ZBTB24: variants seen among roughly 807,000 people sequenced by gnomAD.
ZBTB24 encodes zinc finger and BTB domain containing 24.
Under a neutral mutation model 53.8 loss-of-function variants are expected in ZBTB24, and 32 were observed. That is an observed-to-expected ratio of 0.60 (90% CI 0.45 to 0.80). The LOEUF (loss-of-function observed/expected upper bound fraction) is 0.80. Among genes scored for constraint, ZBTB24 ranks in the 30% least tolerant of loss-of-function variants. The probability of loss-of-function intolerance (pLI) is 0.00; values close to 1 mark genes in which losing one functional copy is unlikely to be tolerated. For synonymous variants in ZBTB24, 297 were observed against 306.7 expected (o/e 0.97, Z 0.33); for missense variants, 722 against 837.1 (o/e 0.86, Z 1.70).
At chr6:109,471,139 A>T (rs549420463) in intron 5 of ZBTB24, among the ~76,000 whole-genome samples, 2 of 152,386 alleles carry the variant, frequency 1.3e-5, no homozygotes, top group African/African-American at 4.8e-5. Context: ...ATAAATAAAG[A>T]TGTGCATTTC....
chr6:109,470,900 A>G (rs9791241), intron 5 of ZBTB24, among the ~76,000 whole-genome samples: 78,721 of 152,070 alleles, frequency 0.52, 21,443 homozygotes, highest in African/African-American at 0.7. Flanking sequence ...AAGCCACACC[A>G]CCATTTTAAA....
chr6:109,480,622 G>A (rs939521176), intron 2 of ZBTB24, among the ~76,000 whole-genome samples: 1 of 152,236 alleles, frequency 6.6e-6, no homozygotes, highest in African/African-American at 2.4e-5. Context: ...TTGGGCAAAA[G>A]CATGGTTATG....
chr6:109,472,829 C>G (rs1472521279), intron 5 of ZBTB24, among the ~76,000 whole-genome samples: 1 of 152,214 alleles, frequency 6.6e-6, no homozygotes, highest in African/African-American at 2.4e-5. Flanking sequence ...TTTGCCTCCT[C>G]TTTCAACTCC....
Position 109,465,438 on chromosome 6 carries a change from A to C in ZBTB24, c.*413T>G, listed in dbSNP as rs1051537302. On this transcript the variant is annotated 3_prime_UTR_variant, in exon 7 of 7. Coordinates refer to ENST00000230122, the MANE Select transcript of ZBTB24 (RefSeq NM_014797.3). ...CTAAGAAAAATAAGAAAATAGAACA[A>C]ACCATTCTGCCCAGTTCAACCAAAA... The C allele has an allele frequency of 1.2e-5, 7 of 570,298 alleles. No individual in the cohort carries two copies. The highest frequency in any genetic ancestry group is 3.3e-5 in the Admixed American group (1 of 29,860). 35.3% of individuals were successfully genotyped at this position (570,298 alleles called of 1,614,324 possible).
In ZBTB24 at chr6:109,468,906, G is replaced by A. The variant is rs572665556; in HGVS notation, c.1289-1172C>T. Among the ~76,000 whole-genome samples, 3 of 148,240 alleles carry A rather than the reference G, an allele frequency of 2.0e-5. No individual in the cohort carries two copies. The South Asian group carries it at 6.5e-4, about 32-fold the overall frequency. The stretch of plus-strand genomic sequence containing the variant: ...AAACAAAATTAAGTAATCCAATGCA[G>A]GCAAGAAAACTAAATTGGAAAAAAA... On this transcript the variant is annotated intron_variant, in intron 5 of 6. Transcript: ENST00000230122.
chr6:109,474,754 TCTTG>T (rs1350684779), intron 5 of ZBTB24, among the ~76,000 whole-genome samples: 1 of 149,998 alleles, frequency 6.7e-6, no homozygotes, highest in Non-Finnish European at 1.5e-5. Flanking sequence ...AAAAAATTTA[TCTTG>T]CTGGGTATGG....
intron 2 of ZBTB24, among the ~76,000 whole-genome samples, chr6:109,479,577 G>C (rs1776353956): frequency 6.6e-6 from 1 of 152,210 alleles, no homozygotes; most frequent in Non-Finnish European, 1.5e-5. Flanking sequence ...TTTTTCTTAA[G>C]TCTTGTATAA....
rs894114608 is a variant in ZBTB24, at chr6:109,465,763, T to C, written c.*88A>G. On this transcript the variant is annotated 3_prime_UTR_variant, in exon 7 of 7. Coordinates refer to ENST00000230122, the MANE Select transcript of ZBTB24 (RefSeq NM_014797.3). The stretch of plus-strand genomic sequence containing the variant: ...CACAGAAGCATCTGCAAGTCAATGG[T>C]GTGGAGAGCCTGATTTCAAGCGTTC... 4.3e-6 allele frequency: 7 copies of C among 1,613,052 alleles called. No homozygotes were observed. In the Admixed American group the frequency reaches 1.0e-4, roughly 23 times the overall value.
chr6:109,468,401 A>C (rs1340397394), intron 5 of ZBTB24, among the ~76,000 whole-genome samples: 1 of 152,000 alleles, frequency 6.6e-6, no homozygotes, highest in Non-Finnish European at 1.5e-5. Flanking sequence ...AAGCGATCAT[A>C]GATCTGTACC....
At chr6:109,475,928 G>A (rs1776268816) in intron 4 of ZBTB24, among the ~76,000 whole-genome samples, 1 of 152,214 alleles carries the variant, frequency 6.6e-6, no homozygotes, top group Non-Finnish European at 1.5e-5. Context: ...TGGCACTTTT[G>A]AAAGATGCCA....
chr6:109,477,523 A>T (rs778563297), intron 2 of ZBTB24, among the ~76,000 whole-genome samples: 1 of 152,176 alleles, frequency 6.6e-6, no homozygotes, highest in Non-Finnish European at 1.5e-5. Flanking sequence ...CTCTGGAAAC[A>T]GGGGTGAGGG....
At chr6:109,475,720 A>G (rs556893732) in intron 4 of ZBTB24, among the ~76,000 whole-genome samples, 2 of 152,230 alleles carry the variant, frequency 1.3e-5, no homozygotes, top group South Asian at 4.1e-4. Context: ...TTTTTTCCTC[A>G]AAGTATTGGT....
At chr6:109,468,932 G>GAAA (rs61250996) in intron 5 of ZBTB24, among the ~76,000 whole-genome samples, 2 of 120,022 alleles carry the variant, frequency 1.7e-5, no homozygotes, top group Non-Finnish European at 3.6e-5. Context: ...TGGAAAAAAA[G>GAAA]AAAAAAAAAA....
At position 109,481,990 on chromosome 6, in the gene ZBTB24, C is replaced by G; in HGVS notation, c.37G>C (p.Val13Leu). Residue 13 changes from valine (V) to leucine (L), a missense_variant, in exon 2 of 7, where the codon GTT becomes CTT. Physicochemically the swap from Val to Leu is conservative, Grantham distance 32. Transcript: ENST00000230122. ...TCACTGTGAGCGTCTGAGTGTACAA[C>G]AAGCTGCCCAGAAGGCTCTGGCGAT... Reference protein sequence around the residue: ...ETSPEPSGQLVVHSDAHSDTV... With the variant: ...ETSPEPSGQLLVHSDAHSDTV... 2 of 1,614,220 alleles carry G rather than the reference C, an allele frequency of 1.2e-6. No homozygotes were observed. The highest frequency in any genetic ancestry group is 1.7e-6 in the Non-Finnish European group (2 of 1,180,044).
rs1775960453 is a variant in ZBTB24 at position 109,463,635 on chromosome 6, T to TACAGAAA, written c.*2215_*2216insTTTCTGT. ...AATCTGTTTTCAACTGTAAGTTGTA[T>TACAGAAA]GAAATCTAAATACAGATCAAGTATG... On this transcript the variant is annotated 3_prime_UTR_variant, in exon 7 of 7. Coordinates refer to ENST00000230122, the MANE Select transcript of ZBTB24 (RefSeq NM_014797.3). The TACAGAAA allele has an allele frequency of 6.6e-6, 1 of 152,248 alleles. No individual in the cohort carries two copies. The highest frequency in any genetic ancestry group is 2.1e-4 in the South Asian group (1 of 4,834). The allele number at this position is 152,248 out of a possible 1,614,324, so 9.4% of individuals were successfully genotyped here.
chr6:109,476,969 T>C (rs1378007609), intron 2 of ZBTB24, 39 bp from the exon 3 acceptor site: 1 of 1,606,898 alleles, frequency 6.2e-7, no homozygotes, highest in Non-Finnish European at 8.5e-7. Flanking sequence ...TAAGTAAGAA[T>C]CCACACATTT....
rs1776034237 is a variant in ZBTB24 at position 109,466,141 on chromosome 6, G to A, written c.1804C>T (p.Leu602=). The change falls in exon 7 of 7, where the codon CTG becomes TTG. Residue 602 remains leucine (L), a synonymous_variant. Coordinates refer to ENST00000230122, the MANE Select transcript of ZBTB24 (RefSeq NM_014797.3). ...TGAGCTGAAAGAATTAAATTCTGCAGTTGCTCTGGCTGCTGCGTGAGCAGG... is the reference window on the plus strand; with the variant it reads ...TGAGCTGAAAGAATTAAATTCTGCAATTGCTCTGGCTGCTGCGTGAGCAGG... ...LTLLTQQPEQ[L]QNLILSAQQE... is the part of the protein sequence containing the mutation. The A allele has an allele frequency of 6.2e-7, 1 of 1,614,252 alleles. No individual in the cohort carries two copies. Among genetic ancestry groups the A allele is most frequent in the African/African-American group, 1.3e-5 (1 of 75,072 alleles).
chr6:109,481,164 C>T lies in ZBTB24; in HGVS notation c.863G>A (p.Arg288His), dbSNP rs768539778. Residue 288 changes from arginine to histidine, a missense_variant, in exon 2 of 7, where the codon CGC (arginine) becomes CAC (histidine). By Grantham distance (29) the Arg-to-His change is conservative. Transcript: ENST00000230122. ...ACAGCGGGCCTCAGGGCCTCCAGGG[C>T]GCTTTCTCCTTCCACAGATCCTCTT... is the stretch of plus-strand genomic sequence containing the variant. ...SAKRICGRRK[R>H]PGGPEARCKD... The T allele has an allele frequency of 1.7e-5, 28 of 1,614,096 alleles. No homozygotes were observed. The highest frequency in any genetic ancestry group is 3.3e-5 in the Admixed American group (2 of 60,006).
At chr6:109,477,732 C>CTT (rs1382350542) in intron 2 of ZBTB24, among the ~76,000 whole-genome samples, 4 of 152,190 alleles carry the variant, frequency 2.6e-5, no homozygotes, top group Non-Finnish European at 5.9e-5. Context: ...GTCAACATTT[C>CTT]CATCTGGGAT....
Sources: gnomAD v4.1 joint callset for allele counts (sites outside exome capture counted in the v4.1 genomes callset) on GRCh38, gnomAD v4.1.1 for gene constraint, MANE v1.5 for transcripts, NCBI Gene and HGNC (gene_info 2026-07-23, HGNC 2026-07-21) for gene names.